ASTN2: variants seen among roughly 807,000 people sequenced by gnomAD.
The protein encoded by ASTN2 is astrotactin-2.
ASTN2 carries 54 observed loss-of-function variants against 139.8 expected under a neutral mutation model. That is an observed-to-expected ratio of 0.39 (90% CI 0.31 to 0.48). ASTN2 has a LOEUF of 0.48. Among genes scored for constraint, ASTN2 ranks in the 20% least tolerant of loss-of-function variants. ASTN2 has a pLI of 0.95. For synonymous variants in ASTN2, 756 were observed against 719.5 expected (o/e 1.05, Z -0.81); for missense variants, 1,565 against 1,725.1 (o/e 0.91, Z 1.64).
intron 5 of ASTN2, among the ~76,000 whole-genome samples, chr9:117,055,910 G>A (rs1839047482): frequency 6.6e-6 from 1 of 152,238 alleles, no homozygotes; most frequent in Non-Finnish European, 1.5e-5. Flanking sequence ...GGTTATGAAA[G>A]ACTGACTTCC....
chr9:117,326,600 T>C (rs972713235), intron 1 of ASTN2, among the ~76,000 whole-genome samples: 1 of 152,196 alleles, frequency 6.6e-6, no homozygotes, highest in Non-Finnish European at 1.5e-5. Context: ...GACTAAACCA[T>C]TTCTTGCTTT....
chr9:117,011,301 A>C (rs570257233), intron 6 of ASTN2, among the ~76,000 whole-genome samples: 9 of 152,312 alleles, frequency 5.9e-5, no homozygotes, highest in African/African-American at 2.4e-5. Flanking sequence ...TGATATTTGG[A>C]AGTGGAGTCT....
chr9:117,380,541 G>A (rs1438867595), intron 1 of ASTN2, among the ~76,000 whole-genome samples: 1 of 150,706 alleles, frequency 6.6e-6, no homozygotes, highest in Non-Finnish European at 1.5e-5. Flanking sequence ...GGAGGTGGAG[G>A]TTGCAGTGAG....
chr9:116,643,934 A>C (rs1223001400), intron 17 of ASTN2, among the ~76,000 whole-genome samples: 2 of 152,202 alleles, frequency 1.3e-5, no homozygotes, highest in Non-Finnish European at 2.9e-5. Flanking sequence ...TTGTTACTAG[A>C]CTGTGTGCTC....
chr9:116,660,629 G>A (rs1858504956), intron 16 of ASTN2, among the ~76,000 whole-genome samples: 1 of 152,142 alleles, frequency 6.6e-6, no homozygotes, highest in South Asian at 2.1e-4. Context: ...TTCAATTCTT[G>A]TACATGTCTG....
chr9:116,889,541 T>G (rs752288333), intron 10 of ASTN2, among the ~76,000 whole-genome samples: 19 of 152,234 alleles, frequency 1.2e-4, no homozygotes, highest in African/African-American at 2.2e-4. Flanking sequence ...CATTTTTTTT[T>G]TGTGCATCCT....
chr9:116,766,815 T>C (rs893581925), intron 13 of ASTN2, among the ~76,000 whole-genome samples: 9 of 146,030 alleles, frequency 6.2e-5, no homozygotes, highest in Admixed American at 4.1e-4. Context: ...CATACACATA[T>C]GCTTGAACAC....
chr9:116,989,921 C>T (rs1467896993), intron 7 of ASTN2, among the ~76,000 whole-genome samples: 4 of 152,212 alleles, frequency 2.6e-5, no homozygotes, highest in East Asian at 1.9e-4. Context: ...TGTTTCTCAA[C>T]GTTGTTTTTG....
intron 10 of ASTN2, among the ~76,000 whole-genome samples, chr9:116,949,347 T>TA (rs147702688): frequency 1.3e-5 from 2 of 152,104 alleles, no homozygotes; most frequent in Non-Finnish European, 2.9e-5. Flanking sequence ...GATATATTTT[T>TA]AAAAAATCGT....
At chr9:116,607,135 C>A (rs1461611802) in intron 19 of ASTN2, among the ~76,000 whole-genome samples, 1 of 152,176 alleles carries the variant, frequency 6.6e-6, no homozygotes, top group Non-Finnish European at 1.5e-5. Flanking sequence ...ATGTACTCAG[C>A]TAGGTTGTAA....
chr9:117,194,717 C>A, intron 3 of ASTN2, among the ~76,000 whole-genome samples: 1 of 152,174 alleles, frequency 6.6e-6, no homozygotes, highest in East Asian at 1.9e-4. Context: ...CCAGCACATG[C>A]TTGGACTTGG....
intron 13 of ASTN2, among the ~76,000 whole-genome samples, chr9:116,802,666 TG>T (rs1172019003): frequency 1.3e-5 from 2 of 152,186 alleles, no homozygotes; most frequent in African/African-American, 4.8e-5. Flanking sequence ...AGAGCTGCTG[TG>T]AGAAATGAAA....
intron 11 of ASTN2, among the ~76,000 whole-genome samples, chr9:116,833,983 C>T (rs369278722): frequency 1.4e-5 from 2 of 140,398 alleles, no homozygotes; most frequent in African/African-American, 2.7e-5. Flanking sequence ...CACCAAAAAA[C>T]GAATTAGCCA....
rs1293926077 is a variant in ASTN2 at position 116,732,511 on chromosome 9, T to TAGGGGAA, written c.2521+887_2521+888insTTCCCCT. ...AATTCCCCTCTCAGTGAAAGAGCTC[T>TAGGGGAA]ATTATCCTTCCCCATGACGATTCCC... On this transcript the variant is annotated intron_variant, in intron 14 of 22. Transcript: ENST00000313400. Among the ~76,000 whole-genome samples the TAGGGGAA allele has an allele frequency of 2.0e-5, 3 of 152,220 alleles. No individual in the cohort carries two copies. In the East Asian group the frequency reaches 5.8e-4, roughly 29 times the overall value.
At chr9:116,785,442 A>G (rs1001390383) in intron 13 of ASTN2, among the ~76,000 whole-genome samples, 3 of 152,218 alleles carry the variant, frequency 2.0e-5, no homozygotes, top group African/African-American at 4.8e-5. Context: ...ACATGGCCAG[A>G]TGATGGCTAT....
intron 19 of ASTN2, among the ~76,000 whole-genome samples, chr9:116,554,319 T>C (rs1852494334): frequency 6.6e-6 from 1 of 152,112 alleles, no homozygotes; most frequent in African/African-American, 2.4e-5. Flanking sequence ...GGCAACTTGG[T>C]GGATGTTAAG....
At chr9:117,050,436 A>G (rs1838884142) in intron 5 of ASTN2, among the ~76,000 whole-genome samples, 1 of 152,064 alleles carries the variant, frequency 6.6e-6, no homozygotes. Context: ...CTGAATACAC[A>G]ACCAACGTTA....
intron 13 of ASTN2, among the ~76,000 whole-genome samples, chr9:116,782,698 T>C (rs1028992533): frequency 2.0e-5 from 3 of 152,204 alleles, no homozygotes; most frequent in Admixed American, 6.5e-5. Context: ...CCGTGATGGC[T>C]AACCCAACCA....
intron 2 of ASTN2, among the ~76,000 whole-genome samples, chr9:117,227,257 T>C (rs193062506): frequency 2.0e-5 from 3 of 152,370 alleles, no homozygotes; most frequent in African/African-American, 7.2e-5. Context: ...CTATTTCCTT[T>C]CCTTGCTTTA....
Sources: allele counts gnomAD v4.1 joint callset (sites outside exome capture counted in the v4.1 genomes callset), GRCh38; gene constraint gnomAD v4.1.1; transcripts MANE v1.5; gene names NCBI Gene and HGNC (gene_info 2026-07-23, HGNC 2026-07-21).